PAFAH1B2: variants seen among roughly 807,000 people sequenced by gnomAD.
PAFAH1B2 encodes the protein platelet-activating factor acetylhydrolase IB subunit alpha2.
In PAFAH1B2, 8 loss-of-function variants were observed where a neutral mutation model predicts 28.0. The ratio of observed to expected loss-of-function variants is 0.29; its 90% CI spans 0.17 to 0.52. PAFAH1B2 has a LOEUF of 0.52. Ranked by LOEUF, PAFAH1B2 falls within the 20% of genes least tolerant of loss-of-function variation. The pLI is 0.97. For missense variants in PAFAH1B2, 190 were observed against 282.6 expected, an observed-to-expected ratio of 0.67 and a Z score of 2.35; for synonymous variants, 104 against 103.2, an observed-to-expected ratio of 1.01 and a Z score of -0.05.
intron 2 of PAFAH1B2, among the ~76,000 whole-genome samples, chr11:117,155,293 C>G (rs1050093719): frequency 6.6e-6 from 1 of 151,916 alleles, no homozygotes; most frequent in African/African-American, 2.4e-5. Flanking sequence ...GAAAGACTTG[C>G]CAAATAGAAT....
In PAFAH1B2 at chr11:117,169,531, G is replaced by A. The variant is rs919692339; in HGVS notation, c.*1832G>A. 2.8e-5 allele frequency: 30 copies of A among 1,055,508 alleles called. No homozygotes were observed. The highest frequency in any genetic ancestry group is 3.1e-5 in the Non-Finnish European group (27 of 873,244). 65.4% of individuals were successfully genotyped at this position (1,055,508 alleles called of 1,614,324 possible). A position where few individuals can be genotyped will look rare whatever the true frequency, so the allele number is the denominator to read the frequency against. On this transcript the variant is annotated 3_prime_UTR_variant, in exon 6 of 6. Transcript: ENST00000527958. ...TGCGTGCTAAGACCGATTTCTGATTGAGGGATGAACCTTGGGCTCATTTTT... is the reference window on the plus strand; with the variant it reads ...TGCGTGCTAAGACCGATTTCTGATTAAGGGATGAACCTTGGGCTCATTTTT...
chr11:117,172,350 A>ATT (rs1956667395), downstream of PAFAH1B2, among the ~76,000 whole-genome samples: 5 of 2,130 alleles, frequency 2.3e-3, no homozygotes, highest in African/African-American at 9.0e-3. Flanking sequence ...TTCTAGCTTT[A>ATT]TATATATATA....
Position 117,170,805 on chromosome 11 carries a change from T to A in PAFAH1B2, c.*3106T>A, listed in dbSNP as rs1956635382. The A allele has an allele frequency of 6.6e-6, 7 of 1,060,474 alleles. No individual in the cohort carries two copies. Among genetic ancestry groups the A allele is most frequent in the Non-Finnish European group, 8.0e-6 (7 of 876,224 alleles). 65.7% of individuals were successfully genotyped at this position (1,060,474 alleles called of 1,614,324 possible). On this transcript the variant is annotated 3_prime_UTR_variant, in exon 6 of 6. Transcript: ENST00000527958. ...AAAATATATGGAAATGAGGAGCATG[T>A]CCAAGCTCCTAAATCCGTGTGGGTG...
intron 4 of PAFAH1B2, among the ~76,000 whole-genome samples, chr11:117,162,048 C>T (rs943069308): frequency 1.3e-5 from 2 of 152,158 alleles, no homozygotes; most frequent in Non-Finnish European, 2.9e-5. Context: ...TATCTTATAT[C>T]ATAAATACTC....
At chr11:117,177,060 T>C (rs1310479664), downstream of PAFAH1B2, among the ~76,000 whole-genome samples, 1 of 151,548 alleles carries the variant, frequency 6.6e-6, no homozygotes, top group East Asian at 1.9e-4. Flanking sequence ...ATACAAAAAT[T>C]AGCTGGGCGT....
At chr11:117,176,358 G>C in exon 6 of PAFAH1B2, 1 of 253,564 alleles carries the variant, frequency 3.9e-6, no homozygotes, top group Non-Finnish European at 7.6e-6. Flanking sequence ...CTGGCACATC[G>C]TGGATGCTTA....
downstream of PAFAH1B2, among the ~76,000 whole-genome samples, chr11:117,174,232 T>C (rs1050566009): frequency 2.3e-4 from 34 of 149,692 alleles, no homozygotes; most frequent in Non-Finnish European, 3.6e-4. Context: ...TTGCCCAGGC[T>C]GGAGCACAAT....
At chr11:117,144,554 A>T (rs1462227192) in intron 1 of PAFAH1B2, 136 bp downstream of exon 1, 1 of 134,430 alleles carries the variant, frequency 7.4e-6, no homozygotes, top group African/African-American at 3.1e-5. Context: ...CGCCCCATCC[A>T]CTTGGGGGGG....
chr11:117,165,349 CA>C (rs35084965), intron 5 of PAFAH1B2, among the ~76,000 whole-genome samples: 96,359 of 135,492 alleles, frequency 0.71, 33,144 homozygotes, highest in African/African-American at 0.78. Flanking sequence ...AACTCGGTCT[CA>C]AAAAAAAAAA....
In PAFAH1B2 at chr11:117,168,472, G is replaced by GT; in HGVS notation, c.*773_*774insT. Reference sequence around the variant, plus strand: ...TTTTTTTTTTTTTTTTTTTTTTTTTGGTTCTTGTTGACATTACAAGCTTTT... The same window carrying GT: ...TTTTTTTTTTTTTTTTTTTTTTTTTGTGTTCTTGTTGACATTACAAGCTTTT... On this transcript the variant is annotated 3_prime_UTR_variant, in exon 6 of 6. Coordinates refer to ENST00000527958, the MANE Select transcript of PAFAH1B2 (RefSeq NM_002572.4). The GT allele has an allele frequency of 2.3e-6, 1 of 425,694 alleles. No individual in the cohort carries two copies. Among genetic ancestry groups the GT allele is most frequent in the Non-Finnish European group, 2.7e-6 (1 of 372,698 alleles). The allele number at this position is 425,694 out of a possible 1,614,324, so 26.4% of individuals were successfully genotyped here.
At chr11:117,173,573 C>A (rs987096763), downstream of PAFAH1B2, among the ~76,000 whole-genome samples, 4 of 152,114 alleles carry the variant, frequency 2.6e-5, no homozygotes, top group Non-Finnish European at 5.9e-5. Context: ...AAACACGTAG[C>A]CTCGCCTCCT....
intron 3 of PAFAH1B2, 29 bp downstream of exon 3, chr11:117,160,052 T>G: frequency 6.8e-7 from 1 of 1,471,594 alleles, no homozygotes. Context: ...AGCGTGGTTC[T>G]TGGCTACTCA....
intron 2 of PAFAH1B2, chr11:117,159,639 G>A (rs1272262815): frequency 3.4e-6 from 1 of 296,188 alleles, no homozygotes; most frequent in Non-Finnish European, 6.4e-6. Context: ...GGTGACTGAG[G>A]TGGGAAGATG....
At chr11:117,174,999 G>C (rs554041033), downstream of PAFAH1B2, 87 of 1,451,774 alleles carry the variant, frequency 6.0e-5, 1 homozygote, top group South Asian at 1.2e-3. Flanking sequence ...AATCCCCTGT[G>C]ACTTAAAATG....
chr11:117,159,161 T>A (rs1454162236), intron 2 of PAFAH1B2, among the ~76,000 whole-genome samples: 1 of 152,258 alleles, frequency 6.6e-6, no homozygotes, highest in East Asian at 1.9e-4. Flanking sequence ...TACAATTTTC[T>A]TAATAAAAGT....
intron 2 of PAFAH1B2, among the ~76,000 whole-genome samples, chr11:117,159,004 T>C (rs1956313194): frequency 6.6e-6 from 1 of 152,212 alleles, no homozygotes; most frequent in Non-Finnish European, 1.5e-5. Flanking sequence ...TGAAGAATCA[T>C]AATGTTTGCA....
chr11:117,152,610 G>A, intron 2 of PAFAH1B2, 82 bp downstream of exon 2: 1 of 963,366 alleles, frequency 1.0e-6, no homozygotes, highest in South Asian at 1.3e-5. Flanking sequence ...TTGAGACAAG[G>A]TCTCACTGTG....
downstream of PAFAH1B2, among the ~76,000 whole-genome samples, chr11:117,174,164 T>TGTGTG (rs1555034628): frequency 1.7e-4 from 24 of 138,920 alleles, no homozygotes; most frequent in South Asian, 7.2e-4. Flanking sequence ...TTCATGTCTT[T>TGTGTG]TGTGTGTGTG....
downstream of PAFAH1B2, among the ~76,000 whole-genome samples, chr11:117,172,377 TATATATATATATATATATATATA>T (rs1956678290): frequency 4.8e-3 from 12 of 2,506 alleles, no homozygotes; most frequent in Admixed American, 0.019. Flanking sequence ...TATATATATA[TATATATATATATATATATATATA>T]TATATTTTTT....
Sources: gnomAD v4.1 joint callset for allele counts (sites outside exome capture counted in the v4.1 genomes callset) on GRCh38, gnomAD v4.1.1 for gene constraint, MANE v1.5 for transcripts, NCBI Gene and HGNC (gene_info 2026-07-23, HGNC 2026-07-21) for gene names.